The following MON2 variants were observed in gnomAD, a reference collection of about 807,000 sequenced individuals.
MON2 encodes MON2 regulator of endosome-to-Golgi trafficking, also known as protein MON2 homolog.
MON2 carries 84 observed loss-of-function variants against 208.6 expected under a neutral mutation model. That is an observed-to-expected ratio of 0.40 (90% CI 0.34 to 0.48). MON2 has a LOEUF of 0.48. MON2 is among the 20% of genes least tolerant of loss of function. The pLI is 0.59. For missense variants in MON2, 1,611 were observed against 2,015.4 expected, an observed-to-expected ratio of 0.80 and a Z score of 3.84; for synonymous variants, 660 against 694.0, an observed-to-expected ratio of 0.95 and a Z score of 0.77.
At position 62,538,445 on chromosome 12, in the gene MON2, A is replaced by C. The variant is rs1237323490; in HGVS notation, c.2304A>C (p.Leu768Phe). The C allele has an allele frequency of 6.2e-7, 1 of 1,611,820 alleles. No homozygotes were observed. Among genetic ancestry groups the C allele is most frequent in the African/African-American group, 1.3e-5 (1 of 74,880 alleles). Residue 768 changes from leucine to phenylalanine, a missense_variant, in exon 19 of 35, where the codon TTA (leucine) becomes TTC (phenylalanine). Physicochemically the swap from Leu to Phe is conservative, Grantham distance 22 (BLOSUM62 0). Coordinates refer to ENST00000393630, the MANE Select transcript of MON2 (RefSeq NM_015026.3). ...QYLDDVSLHH[L>F]INALCSLSLE... ...TTGATGATGTATCACTGCATCATTT[A>C]ATAAATGCACTTTGCTCCTTGTCTC...
intron 7 of MON2, among the ~76,000 whole-genome samples, chr12:62,504,847 T>G (rs1297860467): frequency 6.6e-6 from 1 of 152,150 alleles, no homozygotes; most frequent in Non-Finnish European, 1.5e-5. Context: ...GCTTGATGAG[T>G]ACTGTGAAGG....
At chr12:62,520,626 C>T (rs1201424233) in intron 8 of MON2, among the ~76,000 whole-genome samples, 1 of 151,820 alleles carries the variant, frequency 6.6e-6, no homozygotes, top group Non-Finnish European at 1.5e-5. Context: ...TGTTTTGTCA[C>T]AAGGAACATT....
At chr12:62,557,932 A>T (rs1383427244) in intron 25 of MON2, among the ~76,000 whole-genome samples, 3 of 35,522 alleles carry the variant, frequency 8.4e-5, no homozygotes, top group African/African-American at 3.9e-4. Context: ...ATAGATTTAT[A>T]TATATATATA....
chr12:62,580,607 TG>T (rs1184409775), intron 32 of MON2, among the ~76,000 whole-genome samples, 187 bp downstream of exon 32: 1 of 152,200 alleles, frequency 6.6e-6, no homozygotes, highest in Admixed American at 6.5e-5. Flanking sequence ...TGGAATAGAA[TG>T]TTTTTATTCC....
rs1386288221 is a variant in MON2, at chr12:62,501,465, A to C, written c.664-108A>C. The stretch of plus-strand genomic sequence containing the variant: ...CAGTGCTTAGTTTCTAAGGAGCAAA[A>C]ACATGTATTATATAAGAAGATAGAT... On this transcript the variant is annotated intron_variant, in intron 6 of 34. Coordinates refer to ENST00000393630, the MANE Select transcript of MON2 (RefSeq NM_015026.3). 3.0e-6 allele frequency: 4 copies of C among 1,320,982 alleles called. No homozygotes were observed. The South Asian group carries it at 5.9e-5, about 19-fold the overall frequency. 81.8% of individuals were successfully genotyped at this position (1,320,982 alleles called of 1,614,324 possible).
chr12:62,525,295 A>T (rs1445348962), intron 10 of MON2, 75 bp downstream of exon 10: 1 of 1,500,782 alleles, frequency 6.7e-7, no homozygotes. Flanking sequence ...AGAGGATATT[A>T]TGAAATTCTG....
At chr12:62,576,725 C>T (rs958591786) in intron 30 of MON2, among the ~76,000 whole-genome samples, 1 of 151,626 alleles carries the variant, frequency 6.6e-6, no homozygotes, top group Non-Finnish European at 1.5e-5. Context: ...AAAGCTCAAT[C>T]GATGTTTTTG....
At chr12:62,569,720 C>G (rs1172958142) in intron 29 of MON2, among the ~76,000 whole-genome samples, 1 of 152,166 alleles carries the variant, frequency 6.6e-6, no homozygotes, top group Non-Finnish European at 1.5e-5. Context: ...AACTCATCAT[C>G]TCTTTGCCTG....
At chr12:62,495,197 A>G in intron 4 of MON2, 50 bp downstream of exon 4, 2 of 1,502,964 alleles carry the variant, frequency 1.3e-6, no homozygotes, top group Non-Finnish European at 1.8e-6. Flanking sequence ...ACAGTATTTG[A>G]ATAAGCTGGC....
Position 62,495,002 on chromosome 12 carries a change from T to C in MON2, c.304-14T>C. 6.3e-7 allele frequency: 1 copy of C among 1,587,662 alleles called. No homozygotes were observed. Among genetic ancestry groups the C allele is most frequent in the Non-Finnish European group, 8.6e-7 (1 of 1,163,634 alleles). ...TTGTATTTGTTGACAATAATTAAAATAACTATTTTACAGACTGCAGCTGGA... is the reference window on the plus strand; with the variant it reads ...TTGTATTTGTTGACAATAATTAAAACAACTATTTTACAGACTGCAGCTGGA... On this transcript the variant is annotated splice_polypyrimidine_tract_variant and intron_variant, in intron 3 of 34. Coordinates refer to ENST00000393630, the MANE Select transcript of MON2 (RefSeq NM_015026.3).
rs188718958 is a variant in MON2, at chr12:62,494,282, T to G, written c.303+240T>G. On this transcript the variant is annotated intron_variant, in intron 3 of 34. Transcript: ENST00000393630. ...CAGTTCAGTAATGTAGATGAAAATT[T>G]TGAGACTCAAGCAAGTTTTCAATTT... 2.5e-3 allele frequency among the ~76,000 whole-genome samples: 374 copies of G among 152,320 alleles called. 2 individuals carry two copies. The highest frequency in any genetic ancestry group is 8.4e-3 in the African/African-American group (351 of 41,570).
At chr12:62,472,465 T>C (rs2068842759) in intron 1 of MON2, among the ~76,000 whole-genome samples, 2 of 152,372 alleles carry the variant, frequency 1.3e-5, no homozygotes, top group Admixed American at 1.3e-4. Context: ...AATTTAAAAG[T>C]GCAAGTAGTC....
At chr12:62,498,743 G>A (rs557981191) in intron 4 of MON2, among the ~76,000 whole-genome samples, 176 bp from the exon 5 acceptor site, 7 of 152,114 alleles carry the variant, frequency 4.6e-5, no homozygotes, top group African/African-American at 1.4e-4. Flanking sequence ...AATCTTCTGT[G>A]GCTATATATT....
intron 30 of MON2, among the ~76,000 whole-genome samples, chr12:62,572,766 G>C (rs1328840080): frequency 6.6e-6 from 1 of 152,064 alleles, no homozygotes; most frequent in Non-Finnish European, 1.5e-5. Context: ...TTAAATGTTT[G>C]TATCCATCAA....
At chr12:62,505,938 A>G (rs2071079129) in intron 7 of MON2, among the ~76,000 whole-genome samples, 1 of 152,122 alleles carries the variant, frequency 6.6e-6, no homozygotes, top group East Asian at 1.9e-4. Context: ...GATAAGATGA[A>G]AACTGGAAAG....
chr12:62,550,931 T>C (rs1290604075), intron 23 of MON2, among the ~76,000 whole-genome samples: 5 of 137,830 alleles, frequency 3.6e-5, no homozygotes, highest in African/African-American at 1.4e-4. Flanking sequence ...TTTTTTTTTT[T>C]TTTCTGAGAC....
intron 1 of MON2, among the ~76,000 whole-genome samples, chr12:62,480,870 A>G (rs1183148872): frequency 6.6e-6 from 1 of 152,220 alleles, no homozygotes; most frequent in African/African-American, 2.4e-5. Context: ...CTTTGGACCT[A>G]TGCAAGGTAT....
intron 1 of MON2, among the ~76,000 whole-genome samples, chr12:62,479,911 A>AT (rs1226925218): frequency 2.0e-5 from 3 of 152,084 alleles, no homozygotes; most frequent in East Asian, 1.9e-4. Context: ...GAAGCTAACA[A>AT]TTTTTTTTCA....
chr12:62,568,778 G>C (rs1049698707), intron 29 of MON2, among the ~76,000 whole-genome samples: 6 of 152,158 alleles, frequency 3.9e-5, no homozygotes, highest in African/African-American at 1.2e-4. Flanking sequence ...TCAGCCCCCT[G>C]AGTAGCTGGG....
Sources: gnomAD v4.1 joint callset for allele counts (sites outside exome capture counted in the v4.1 genomes callset) on GRCh38, gnomAD v4.1.1 for gene constraint, MANE v1.5 for transcripts, NCBI Gene and HGNC (gene_info 2026-07-23, HGNC 2026-07-21) for gene names.